Variants in DGKI observed in about 807,000 individuals in gnomAD.
DGKI encodes the protein diacylglycerol kinase iota.
DGKI carries 55 observed loss-of-function variants against 147.5 expected under a neutral mutation model. The ratio of observed to expected loss-of-function variants is 0.37; its 90% CI spans 0.30 to 0.47. DGKI has a LOEUF of 0.47. Among genes scored for constraint, DGKI ranks in the 20% least tolerant of loss-of-function variants. The probability of loss-of-function intolerance (pLI) is 1.00; values close to 1 mark genes in which losing one functional copy is unlikely to be tolerated. For missense variants in DGKI, 1,007 were observed against 1,323.8 expected, an observed-to-expected ratio of 0.76 and a Z score of 3.71; for synonymous variants, 469 against 477.1, an observed-to-expected ratio of 0.98 and a Z score of 0.22.
chr7:137,642,929 A>T lies in DGKI; in HGVS notation c.804+2543T>A, dbSNP rs867067974. Among the ~76,000 whole-genome samples the T allele has an allele frequency of 3.2e-3, 393 of 121,208 alleles. 2 individuals are homozygous for T. Among genetic ancestry groups the T allele is most frequent in the South Asian group, 0.022 (73 of 3,288 alleles). 79.5% of individuals were successfully genotyped at this position (121,208 alleles called of 152,430 possible). The stretch of plus-strand genomic sequence containing the variant: ...CATCCCAATGAGTAAATTATGGAAT[A>T]GTGTGTGTGTGTGTGTGTGTGTGTG... On this transcript the variant is annotated intron_variant, in intron 6 of 32. Transcript: ENST00000614521.
chr7:137,709,026 C>T (rs538613002), intron 1 of DGKI, among the ~76,000 whole-genome samples: 37 of 152,296 alleles, frequency 2.4e-4, no homozygotes, highest in Non-Finnish European at 3.5e-4. Flanking sequence ...CCAGATTCAA[C>T]GCATTAACTT....
chr7:137,696,336 GAT>G (rs1043972716), intron 1 of DGKI, among the ~76,000 whole-genome samples: 1 of 145,576 alleles, frequency 6.9e-6, no homozygotes, highest in African/African-American at 2.5e-5. Flanking sequence ...TCCTCAGACA[GAT>G]TTACCATCAT....
At chr7:137,582,022 G>T (rs968205303) in intron 14 of DGKI, 94 bp from the exon 15 acceptor site, 13 of 930,468 alleles carry the variant, frequency 1.4e-5, no homozygotes, top group Non-Finnish European at 2.0e-5. Flanking sequence ...CTCTGAAGAA[G>T]TCCCTAGGAG....
At chr7:137,493,150 C>A (rs1815832301) in intron 21 of DGKI, among the ~76,000 whole-genome samples, 3 of 152,300 alleles carry the variant, frequency 2.0e-5, no homozygotes, top group South Asian at 4.1e-4. Flanking sequence ...CCCAGCTGTA[C>A]CACCACTGTT....
chr7:137,836,120 C>T lies in DGKI; in HGVS notation c.401+10342G>A, dbSNP rs1202666615. ...TAGTCAGTATAACAGTTTAAGAAAT[C>T]TCCAGAAATTTGTCTTTAAAAAAAA... On this transcript the variant is annotated intron_variant, in intron 1 of 32. Transcript: ENST00000614521. Among the ~76,000 whole-genome samples the T allele has an allele frequency of 3.9e-5, 6 of 152,098 alleles. No homozygotes were observed. In the East Asian group the frequency reaches 1.2e-3, roughly 29 times the overall value.
chr7:137,803,463 A>G (rs1291121714), intron 1 of DGKI, among the ~76,000 whole-genome samples: 4 of 152,100 alleles, frequency 2.6e-5, no homozygotes, highest in Non-Finnish European at 4.4e-5. Flanking sequence ...CTGATTTCAC[A>G]TTTTCTAAGT....
chr7:137,404,223 A>G (rs1030482485), intron 30 of DGKI, among the ~76,000 whole-genome samples: 2 of 152,202 alleles, frequency 1.3e-5, no homozygotes, highest in African/African-American at 2.4e-5. Context: ...GTTAATATAA[A>G]CTGAATCAGC....
intron 8 of DGKI, among the ~76,000 whole-genome samples, chr7:137,612,497 A>G (rs751131304): frequency 7.2e-5 from 11 of 152,108 alleles, no homozygotes; most frequent in Non-Finnish European, 1.3e-4. Flanking sequence ...ATAAATACAT[A>G]TCTCTATTTT....
At chr7:137,498,131 G>T (rs1480502687) in intron 21 of DGKI, among the ~76,000 whole-genome samples, 1 of 151,682 alleles carries the variant, frequency 6.6e-6, no homozygotes, top group Non-Finnish European at 1.5e-5. Context: ...ACCTCATTCA[G>T]AGAATAAAAG....
At chr7:137,826,701 G>A (rs1481016018) in intron 1 of DGKI, among the ~76,000 whole-genome samples, 2 of 152,148 alleles carry the variant, frequency 1.3e-5, no homozygotes, top group Non-Finnish European at 2.9e-5. Flanking sequence ...GTCCAGTGAT[G>A]TGATCTGGCA....
At chr7:137,414,315 G>A (rs970564131) in intron 28 of DGKI, among the ~76,000 whole-genome samples, 3 of 152,122 alleles carry the variant, frequency 2.0e-5, no homozygotes, top group Non-Finnish European at 2.9e-5. Flanking sequence ...AAAGAAGGTA[G>A]GAAGAAGAGA....
In DGKI at chr7:137,717,597, T is replaced by C. The variant is rs113362408; in HGVS notation, c.402-27595A>G. ...CACTATATATTTTTATGTGTGTGTG[T>C]ACATACTCATATAGAAATATTTTTA... On this transcript the variant is annotated intron_variant, in intron 1 of 32. Transcript: ENST00000614521. Among the ~76,000 whole-genome samples the C allele has an allele frequency of 6.6e-3, 1,006 of 152,344 alleles. 7 individuals carry two copies. Among genetic ancestry groups the C allele is most frequent in the African/African-American group, 0.023 (951 of 41,580 alleles).
chr7:137,668,670 C>T (rs777522571), intron 3 of DGKI, among the ~76,000 whole-genome samples: 3 of 152,114 alleles, frequency 2.0e-5, no homozygotes, highest in Non-Finnish European at 2.9e-5. Flanking sequence ...GATAAATAAG[C>T]GAGCAATTTT....
chr7:137,421,558 C>T (rs577519196), intron 28 of DGKI, among the ~76,000 whole-genome samples: 15 of 152,324 alleles, frequency 9.8e-5, no homozygotes, highest in African/African-American at 3.6e-4. Flanking sequence ...TCAGGATGCA[C>T]TCCCTTCAAA....
At chr7:137,724,551 T>C (rs1794666747) in intron 1 of DGKI, among the ~76,000 whole-genome samples, 1 of 152,182 alleles carries the variant, frequency 6.6e-6, no homozygotes. Context: ...AGCCACTTGC[T>C]AATGGATTAC....
At chr7:137,475,423 C>A (rs1815136240) in intron 23 of DGKI, among the ~76,000 whole-genome samples, 1 of 152,186 alleles carries the variant, frequency 6.6e-6, no homozygotes, top group Non-Finnish European at 1.5e-5. Context: ...CTATCACCAA[C>A]AAGCATACAT....
chr7:137,497,483 A>G (rs1816010488), intron 21 of DGKI, among the ~76,000 whole-genome samples: 1 of 152,134 alleles, frequency 6.6e-6, no homozygotes, highest in Non-Finnish European at 1.5e-5. Flanking sequence ...ATAAAGACAC[A>G]TGCACGTGTA....
At chr7:137,717,329 T>C (rs1794408660) in intron 1 of DGKI, among the ~76,000 whole-genome samples, 3 of 152,138 alleles carry the variant, frequency 2.0e-5, no homozygotes, top group Admixed American at 2.0e-4. Flanking sequence ...GAGGAAAAAT[T>C]GCATATTTTT....
intron 21 of DGKI, among the ~76,000 whole-genome samples, chr7:137,495,067 G>A (rs1419312168): frequency 1.3e-5 from 2 of 151,888 alleles, no homozygotes; most frequent in Non-Finnish European, 2.9e-5. Flanking sequence ...ATTACATAAT[G>A]GTAGAAAAAC....
Sources: allele counts gnomAD v4.1 joint callset (sites outside exome capture counted in the v4.1 genomes callset), GRCh38; gene constraint gnomAD v4.1.1; transcripts MANE v1.5; gene names NCBI Gene and HGNC (gene_info 2026-07-23, HGNC 2026-07-21).